The following PRKAR2B variants were observed in gnomAD, a reference collection of about 807,000 sequenced individuals.
The protein encoded by PRKAR2B is protein kinase cAMP-dependent type II regulatory subunit beta, also known as cAMP-dependent protein kinase type II-beta regulatory subunit.
PRKAR2B carries 14 observed loss-of-function variants against 49.9 expected under a neutral mutation model. That is an observed-to-expected ratio of 0.28 (90% CI 0.19 to 0.44). PRKAR2B has a LOEUF of 0.44. Among genes scored for constraint, PRKAR2B ranks in the 20% least tolerant of loss-of-function variants. PRKAR2B has a pLI of 1.00. For missense variants in PRKAR2B, 393 were observed against 537.9 expected (o/e 0.73, Z 2.67); for synonymous variants, 196 against 197.7 (o/e 0.99, Z 0.07).
Position 107,159,432 on chromosome 7 carries a change from A to AG in PRKAR2B, c.1124-17_1124-16insG, listed in dbSNP as rs763499022. On this transcript the variant is annotated splice_polypyrimidine_tract_variant and intron_variant, in intron 10 of 10. Transcript: ENST00000265717. ...TGCAAAGAATGTTATTTAAAAAAAA[A>AG]TCTTCTCTTTTCTCAGCAATGGATG... 1 of 1,611,110 alleles carries AG rather than the reference A, an allele frequency of 6.2e-7. No individual in the cohort carries two copies.
At chr7:107,099,336 C>G (rs143783027) in intron 2 of PRKAR2B, among the ~76,000 whole-genome samples, 53 of 152,296 alleles carry the variant, frequency 3.5e-4, no homozygotes, top group African/African-American at 1.3e-3. Context: ...ATATAATCTC[C>G]TGGTGTGCCG....
intron 1 of PRKAR2B, among the ~76,000 whole-genome samples, chr7:107,062,537 A>T (rs1794045326): frequency 6.6e-6 from 1 of 152,216 alleles, no homozygotes; most frequent in African/African-American, 2.4e-5. Flanking sequence ...AAATCCTAAC[A>T]AGTAATTGCC....
At chr7:107,107,733 C>T (rs1795100897) in intron 2 of PRKAR2B, among the ~76,000 whole-genome samples, 1 of 152,028 alleles carries the variant, frequency 6.6e-6, no homozygotes, top group Admixed American at 6.5e-5. Flanking sequence ...TCTTGGCTCA[C>T]TGTAGCCTCT....
rs35682952 is a variant in PRKAR2B, at chr7:107,126,420, C to CAAAAAAAAA, written c.397-1777_397-1769dup. Among the ~76,000 whole-genome samples, 50 of 38,402 alleles carry CAAAAAAAAA rather than the reference C, an allele frequency of 1.3e-3. 1 individual carries two copies. Among genetic ancestry groups the CAAAAAAAAA allele is most frequent in the African/African-American group, 1.8e-3 (17 of 9,544 alleles). The allele number at this position is 38,402 out of a possible 152,430, so 25.2% of individuals were successfully genotyped here. On this transcript the variant is annotated intron_variant, in intron 3 of 10. Coordinates refer to ENST00000265717, the MANE Select transcript of PRKAR2B (RefSeq NM_002736.3). ...TGGGCAACAGAGTGAGAATCTGTCTCAAAAAAAAAAAAAAAAAAAAAAAGT... is the reference window on the plus strand; with the variant it reads ...TGGGCAACAGAGTGAGAATCTGTCTCAAAAAAAAAAAAAAAAAAAAAAAAAAAAAAAAGT...
chr7:107,055,983 A>G (rs1446234013), intron 1 of PRKAR2B, among the ~76,000 whole-genome samples: 5 of 152,238 alleles, frequency 3.3e-5, no homozygotes, highest in South Asian at 2.1e-4. Flanking sequence ...ATCTTGAATT[A>G]ATTTTTGTAT....
At chr7:107,071,836 C>T (rs753539737) in intron 2 of PRKAR2B, among the ~76,000 whole-genome samples, 12 of 152,032 alleles carry the variant, frequency 7.9e-5, no homozygotes, top group East Asian at 3.9e-4. Flanking sequence ...GAGGCTGAGG[C>T]GGGCAGATCA....
At position 107,138,690 on chromosome 7, in the gene PRKAR2B, CT is replaced by C. The variant is rs1795742809; in HGVS notation, c.481-2156del. ...AGCCTCTCCTGAGTAGCTGAGACTA[CT>C]CATTTTTTTTGAGACAGAGTCTCAC... On this transcript the variant is annotated intron_variant, in intron 4 of 10. Coordinates refer to ENST00000265717, the MANE Select transcript of PRKAR2B (RefSeq NM_002736.3). 2.1e-5 allele frequency among the ~76,000 whole-genome samples: 3 copies of C among 142,912 alleles called. No individual in the cohort carries two copies. The South Asian group carries it at 6.7e-4, about 32-fold the overall frequency. The allele number at this position is 142,912 out of a possible 152,430, so 93.8% of individuals were successfully genotyped here.
chr7:107,141,084 G>A (rs552857839), intron 5 of PRKAR2B, 131 bp downstream of exon 5: 13 of 607,460 alleles, frequency 2.1e-5, no homozygotes, highest in Non-Finnish European at 3.7e-5. Context: ...TACATAATAG[G>A]CACTGTAAAC....
chr7:107,050,925 G>A (rs1459799093), intron 1 of PRKAR2B, among the ~76,000 whole-genome samples: 1 of 152,150 alleles, frequency 6.6e-6, no homozygotes, highest in African/African-American at 2.4e-5. Flanking sequence ...TGAACTCCTG[G>A]CTTCAAGCAG....
chr7:107,129,835 T>A (rs1584443933), intron 4 of PRKAR2B, among the ~76,000 whole-genome samples: 1 of 152,296 alleles, frequency 6.6e-6, no homozygotes, highest in South Asian at 2.1e-4. Context: ...TTGTAAACTG[T>A]CATGGTTCTG....
chr7:107,071,701 A>G (rs1337897118), intron 2 of PRKAR2B, among the ~76,000 whole-genome samples: 1 of 152,200 alleles, frequency 6.6e-6, no homozygotes, highest in African/African-American at 2.4e-5. Context: ...AATAATCACC[A>G]TTTCTACCTC....
chr7:107,070,994 A>G (rs138094063), intron 2 of PRKAR2B, among the ~76,000 whole-genome samples: 1 of 152,364 alleles, frequency 6.6e-6, no homozygotes, highest in East Asian at 1.9e-4. Flanking sequence ...CTGCTGGGGA[A>G]GTATGAGACA....
intron 1 of PRKAR2B, among the ~76,000 whole-genome samples, chr7:107,048,163 G>T (rs1311219249): frequency 6.6e-6 from 1 of 152,128 alleles, no homozygotes; most frequent in African/African-American, 2.4e-5. Flanking sequence ...CTCCAGATGG[G>T]GCTGGGGCTA....
At chr7:107,123,217 A>G (rs528720152) in intron 3 of PRKAR2B, among the ~76,000 whole-genome samples, 28 of 152,234 alleles carry the variant, frequency 1.8e-4, no homozygotes, top group Non-Finnish European at 1.6e-4. Context: ...GAACATTTGC[A>G]ATACAGTTTA....
At chr7:107,124,531 C>A (rs958975672) in intron 3 of PRKAR2B, among the ~76,000 whole-genome samples, 4 of 152,216 alleles carry the variant, frequency 2.6e-5, no homozygotes, top group African/African-American at 9.6e-5. Context: ...GATTCTCATG[C>A]CTCAGCCTCC....
chr7:107,121,044 A>G (rs1432169687), intron 2 of PRKAR2B, among the ~76,000 whole-genome samples: 1 of 150,938 alleles, frequency 6.6e-6, no homozygotes, highest in Non-Finnish European at 1.5e-5. Context: ...AAAATTTTAA[A>G]TTATTTATTT....
chr7:107,141,745 G>A (rs1795793921), intron 5 of PRKAR2B, among the ~76,000 whole-genome samples: 1 of 152,186 alleles, frequency 6.6e-6, no homozygotes, highest in African/African-American at 2.4e-5. Flanking sequence ...ATATTTCACA[G>A]GGGCATAAGG....
intron 3 of PRKAR2B, among the ~76,000 whole-genome samples, chr7:107,124,780 C>G (rs1414701581): frequency 6.6e-6 from 1 of 151,296 alleles, no homozygotes; most frequent in African/African-American, 2.4e-5. Context: ...AACTGTTTTT[C>G]TAATTTTTTT....
chr7:107,074,581 C>A (rs1794356561), intron 2 of PRKAR2B, among the ~76,000 whole-genome samples: 1 of 151,818 alleles, frequency 6.6e-6, no homozygotes, highest in Non-Finnish European at 1.5e-5. Context: ...AGCGGATTAC[C>A]TGAGATTGGG....
Sources: allele counts gnomAD v4.1 joint callset (sites outside exome capture counted in the v4.1 genomes callset), GRCh38; gene constraint gnomAD v4.1.1; transcripts MANE v1.5; gene names NCBI Gene and HGNC (gene_info 2026-07-23, HGNC 2026-07-21).